Variants in ZFHX3 observed in about 807,000 individuals in gnomAD.
The protein encoded by ZFHX3 is zinc finger homeobox protein 3.
A neutral mutation model predicts 279.1 loss-of-function variants in ZFHX3; 42 were observed. The observed-to-expected ratio is 0.15, with a 90% CI of 0.12 to 0.19. The LOEUF (loss-of-function observed/expected upper bound fraction) is 0.19. ZFHX3 is among the 10% of genes least tolerant of loss of function. The pLI is 1.00. For synonymous variants in ZFHX3, 2,293 were observed against 1,957.8 expected (o/e 1.17, Z -4.52); for missense variants, 4,981 against 4,754.0 (o/e 1.05, Z -1.40).
chr16:73,710,119 G>A (rs1164670393), intron 1 of ZFHX3, among the ~76,000 whole-genome samples: 3 of 152,184 alleles, frequency 2.0e-5, no homozygotes, highest in Non-Finnish European at 2.9e-5. Flanking sequence ...GGAGGTGGAC[G>A]TTGCAGTGAG....
chr16:73,163,842 T>C (rs904033312), intron 5 of ZFHX3, among the ~76,000 whole-genome samples: 24 of 152,220 alleles, frequency 1.6e-4, no homozygotes, highest in African/African-American at 5.8e-4. Context: ...AAAATACTAC[T>C]GTTAATTTTA....
intron 2 of ZFHX3, among the ~76,000 whole-genome samples, chr16:73,468,751 G>A (rs907125663): frequency 8.0e-5 from 12 of 150,436 alleles, no homozygotes; most frequent in African/African-American, 3.0e-4. Context: ...AGATTTGGGA[G>A]GAGAAAAGAT....
At chr16:73,468,340 C>T (rs981183282) in intron 2 of ZFHX3, among the ~76,000 whole-genome samples, 2 of 152,128 alleles carry the variant, frequency 1.3e-5, no homozygotes, top group Admixed American at 6.6e-5. Flanking sequence ...CCCTTAAGGA[C>T]GGTTCCTGGA....
intron 1 of ZFHX3, among the ~76,000 whole-genome samples, chr16:73,690,227 G>T (rs1321995241): frequency 2.0e-5 from 3 of 152,020 alleles, no homozygotes; most frequent in Non-Finnish European, 2.9e-5. Context: ...GCACAAACAA[G>T]GTTTTACATC....
intron 1 of ZFHX3, among the ~76,000 whole-genome samples, chr16:72,967,932 A>G (rs1476889319): frequency 1.3e-5 from 2 of 151,542 alleles, no homozygotes; most frequent in African/African-American, 4.9e-5. Context: ...CATCTAAAAA[A>G]AAAAAAAAAA....
intron 4 of ZFHX3, among the ~76,000 whole-genome samples, chr16:72,857,985 T>TCTCAGG (rs2037794166): frequency 6.6e-6 from 1 of 152,234 alleles, no homozygotes; most frequent in South Asian, 2.1e-4. Context: ...CAGGGCCCGC[T>TCTCAGG]GCTCCTCAGC....
intron 1 of ZFHX3, among the ~76,000 whole-genome samples, chr16:73,793,490 C>A (rs1376501916): frequency 6.6e-6 from 1 of 152,216 alleles, no homozygotes; most frequent in East Asian, 1.9e-4. Context: ...ATATCTCCAA[C>A]GAAAATATGC....
intron 5 of ZFHX3, among the ~76,000 whole-genome samples, chr16:72,814,328 C>T (rs1024448332): frequency 2.5e-4 from 38 of 152,154 alleles, no homozygotes; most frequent in African/African-American, 8.4e-4. Flanking sequence ...TGTAAATGCC[C>T]TCAATCTGCC....
At chr16:73,166,530 G>A (rs11865238) in intron 5 of ZFHX3, among the ~76,000 whole-genome samples, 22,397 of 152,024 alleles carry the variant, frequency 0.15, 1,835 homozygotes, top group African/African-American at 0.22. Flanking sequence ...AATGGAAAGA[G>A]AGAAGCAAGG....
chr16:73,282,845 G>A (rs2014491294), intron 4 of ZFHX3, among the ~76,000 whole-genome samples: 1 of 151,984 alleles, frequency 6.6e-6, no homozygotes, highest in African/African-American at 2.4e-5. Context: ...CTTGGCTTAT[G>A]TTTTCTTCCA....
intron 1 of ZFHX3, among the ~76,000 whole-genome samples, chr16:72,997,610 A>T (rs971777122): frequency 1.3e-5 from 2 of 152,152 alleles, no homozygotes. Flanking sequence ...CTCCCCCCAG[A>T]CTTATTCACA....
In ZFHX3 at chr16:72,796,856, C is replaced by T; in HGVS notation, c.5826G>A (p.Gly1942=). The change falls in exon 9 of 10, where the codon GGG becomes GGA. Residue 1942 remains glycine (G), a synonymous_variant. Transcript: ENST00000268489. The part of the protein sequence containing the change: ...LPPRIASDAR[G]NATKALLENF... ...TCTCCAGCAGGGCCTTGGTGGCGTTCCCTCTGGCATCTGAAGCAATGCGTG... is the reference window on the plus strand; with the variant it reads ...TCTCCAGCAGGGCCTTGGTGGCGTTTCCTCTGGCATCTGAAGCAATGCGTG... 6.2e-7 allele frequency: 1 copy of T among 1,613,500 alleles called. No individual in the cohort carries two copies.
At chr16:72,836,872 G>T (rs1278871990) in intron 4 of ZFHX3, among the ~76,000 whole-genome samples, 1 of 152,146 alleles carries the variant, frequency 6.6e-6, no homozygotes, top group Non-Finnish European at 1.5e-5. Context: ...GGAGGGTGGG[G>T]GCAGGAGAAA....
intron 7 of ZFHX3, among the ~76,000 whole-genome samples, chr16:73,118,742 T>C (rs1396660604): frequency 6.6e-6 from 1 of 152,210 alleles, no homozygotes; most frequent in African/African-American, 2.4e-5. Flanking sequence ...TGCATTTTTA[T>C]ATGGGTATGG....
At chr16:73,189,713 G>C (rs557190550) in intron 5 of ZFHX3, among the ~76,000 whole-genome samples, 1 of 152,312 alleles carries the variant, frequency 6.6e-6, no homozygotes, top group South Asian at 2.1e-4. Context: ...AATGGGGAAG[G>C]AGTTGTCTTG....
chr16:73,733,028 T>G (rs976976564), intron 1 of ZFHX3, among the ~76,000 whole-genome samples: 1 of 152,190 alleles, frequency 6.6e-6, no homozygotes, highest in African/African-American at 2.4e-5. Context: ...ATTTTAATGT[T>G]AGGTGATGCT....
chr16:72,787,683 G>A lies in ZFHX3; in HGVS notation c.10593C>T (p.Cys3531=), dbSNP rs764777690. The change falls in exon 10 of 10, where the codon TGC becomes TGT. Residue 3531 remains cysteine, a synonymous_variant. Coordinates refer to ENST00000268489, the MANE Select transcript of ZFHX3 (RefSeq NM_006885.4). The stretch of plus-strand genomic sequence containing the variant: ...CACAGAGCGCGCTCTCGCACGCCAG[G>A]CAGTGGTACGAGCCGCCGCCGCCGC... ...GGGGGGGSYH[C]LACESALCGE... The A allele has an allele frequency of 3.3e-6, 5 of 1,502,446 alleles. No homozygotes were observed. Among genetic ancestry groups the A allele is most frequent in the Non-Finnish European group, 3.6e-6 (4 of 1,123,306 alleles). The allele number at this position is 1,502,446 out of a possible 1,614,324, so 93.1% of individuals were successfully genotyped here. A position where few individuals can be genotyped will look rare whatever the true frequency, so the allele number is the denominator to read the frequency against.
At chr16:73,776,264 G>A (rs772221497) in intron 1 of ZFHX3, among the ~76,000 whole-genome samples, 49 of 152,136 alleles carry the variant, frequency 3.2e-4, no homozygotes, top group Admixed American at 2.2e-3. Flanking sequence ...GCAGGGCTAG[G>A]AGAGCTTAAA....
chr16:72,995,218 T>A (rs892865460), intron 1 of ZFHX3, among the ~76,000 whole-genome samples: 7 of 152,106 alleles, frequency 4.6e-5, no homozygotes, highest in African/African-American at 1.7e-4. Flanking sequence ...AGGAAAATAA[T>A]AAATGTCGAG....
Sources: allele counts gnomAD v4.1 joint callset (sites outside exome capture counted in the v4.1 genomes callset), GRCh38; gene constraint gnomAD v4.1.1; transcripts MANE v1.5; gene names NCBI Gene and HGNC (gene_info 2026-07-23, HGNC 2026-07-21).